The following SBNO2 variants were observed in gnomAD, a reference collection of about 807,000 sequenced individuals.
SBNO2 encodes protein strawberry notch homolog 2.
A neutral mutation model predicts 146.3 loss-of-function variants in SBNO2; 89 were observed. That is an observed-to-expected ratio of 0.61 (90% CI 0.51 to 0.73). SBNO2 has a LOEUF of 0.73. Among genes scored for constraint, SBNO2 ranks in the 30% least tolerant of loss-of-function variants. The pLI is 0.00. For missense variants in SBNO2, 2,092 were observed against 2,003.7 expected, an observed-to-expected ratio of 1.04 and a Z score of -0.84; for synonymous variants, 1,147 against 892.6, an observed-to-expected ratio of 1.29 and a Z score of -5.08.
intron 1 of SBNO2, among the ~76,000 whole-genome samples, chr19:1,171,499 A>G (rs2080477180): frequency 6.6e-6 from 1 of 152,100 alleles, no homozygotes; most frequent in Non-Finnish European, 1.5e-5. Flanking sequence ...ACAGCTGTGG[A>G]TTACATGATA....
chr19:1,164,725 A>AGAACAG (rs2080391297), intron 1 of SBNO2, among the ~76,000 whole-genome samples: 1 of 2,004 alleles, frequency 5.0e-4, no homozygotes, highest in African/African-American at 1.9e-3. Context: ...AGGAACAGGA[A>AGAACAG]GAGGAGGAGG....
At chr19:1,114,850 G>A (rs2079812502) in intron 17 of SBNO2, among the ~76,000 whole-genome samples, 2 of 152,008 alleles carry the variant, frequency 1.3e-5, no homozygotes, top group Admixed American at 6.6e-5. Context: ...GGCCAGGATG[G>A]TGTCGATCTC....
rs766045603 is a variant in SBNO2 at position 1,147,436 on chromosome 19, G to GA, written c.168-17_168-16insT. The GA allele has an allele frequency of 1.5e-6, 2 of 1,301,190 alleles. No homozygotes were observed. The highest frequency in any genetic ancestry group is 1.4e-5 in the South Asian group (1 of 71,794). 80.6% of individuals were successfully genotyped at this position (1,301,190 alleles called of 1,614,324 possible). ...CATGAACGGGCTGGAGGGAGATGGG[G>GA]GGGGGGGAGGTGAGATGGGGTGCTC... On this transcript the variant is annotated splice_polypyrimidine_tract_variant and intron_variant, in intron 3 of 31. Coordinates refer to ENST00000361757, the MANE Select transcript of SBNO2 (RefSeq NM_014963.3).
intron 1 of SBNO2, among the ~76,000 whole-genome samples, chr19:1,170,816 C>T (rs190315457): frequency 2.0e-5 from 3 of 152,200 alleles, no homozygotes; most frequent in East Asian, 1.9e-4. Flanking sequence ...ACAAAGTACA[C>T]GTTTGCATGA....
Position 1,122,487 on chromosome 19 carries a change from G to C in SBNO2, c.986C>G (p.Ala329Gly). Residue 329 changes from alanine to glycine, a missense_variant, in exon 10 of 32, where the codon GCG becomes GGG. Ala to Gly is a moderately conservative substitution (Grantham distance 60). Transcript: ENST00000361757. The part of the protein sequence containing the change: ...DLRDIEATGI[A>G]VHALSKIKYG... ...CCCTACCTTGCTGAGCGCGTGCACC[G>C]CGATGCCCGTGGCTTCGATGTCCCG... 1.3e-6 allele frequency: 2 copies of C among 1,573,744 alleles called. No individual in the cohort carries two copies. The highest frequency in any genetic ancestry group is 1.7e-6 in the Non-Finnish European group (2 of 1,161,754).
At chr19:1,141,633 C>T (rs1054361642) in intron 4 of SBNO2, among the ~76,000 whole-genome samples, 1 of 151,832 alleles carries the variant, frequency 6.6e-6, no homozygotes, top group African/African-American at 2.4e-5. Context: ...CACGGACAAA[C>T]ACAGTGGGGC....
Position 1,111,557 on chromosome 19 carries a change from T to C in SBNO2, c.2758A>G (p.Lys920Glu), listed in dbSNP as rs1462804241. 1 of 1,597,900 alleles carries C rather than the reference T, an allele frequency of 6.3e-7. No individual in the cohort carries two copies. The highest frequency in any genetic ancestry group is 2.3e-5 in the East Asian group (1 of 44,252). Reference protein sequence around the residue: ...LTTILSQTENKVPVPQGYPGG... With the variant: ...LTTILSQTENEVPVPQGYPGG... Reference sequence around the variant, plus strand: ...GGGTATCCCTGGGGCACAGGCACTTTGTTCTCAGTCTGGCTCAGGATGGTG... The same window carrying C: ...GGGTATCCCTGGGGCACAGGCACTTCGTTCTCAGTCTGGCTCAGGATGGTG... Residue 920 changes from lysine (K) to glutamate (E), a missense_variant, in exon 24 of 32, where the codon AAA becomes GAA. Transcript: ENST00000361757.
chr19:1,135,755 C>T (rs1198835073), intron 4 of SBNO2, among the ~76,000 whole-genome samples: 9 of 152,166 alleles, frequency 5.9e-5, no homozygotes, highest in Admixed American at 5.9e-4. Context: ...GGGAAACAGG[C>T]TACGGGGATG....
In SBNO2 at chr19:1,158,824, C is replaced by T. The variant is rs1316653812; in HGVS notation, c.-126-4422G>A. Among the ~76,000 whole-genome samples the T allele has an allele frequency of 6.6e-6, 1 of 152,156 alleles. No homozygotes were observed. The highest frequency in any genetic ancestry group is 1.5e-5 in the Non-Finnish European group (1 of 68,014). On this transcript the variant is annotated intron_variant, in intron 1 of 31. Coordinates refer to ENST00000361757, the MANE Select transcript of SBNO2 (RefSeq NM_014963.3). This position sits in a 1 kb window ranked among gnomAD's most constrained non-coding sequence, Gnocchi z 9.9. ...CCCGCACAGAGCCACGGCCATAAGA[C>T]AGAGCGGACTTGCGGCCTCCGGTGA...
At position 1,136,802 on chromosome 19, in the gene SBNO2, C is replaced by T. The variant is rs974972861; in HGVS notation, c.280-9037G>A. On this transcript the variant is annotated intron_variant, in intron 4 of 31. Coordinates refer to ENST00000361757, the MANE Select transcript of SBNO2 (RefSeq NM_014963.3). The surrounding 1 kb of genome is among the most constrained non-coding windows in gnomAD (Gnocchi z 4.2). ...CTGAAAGCAGCCAGAGTTTGCAAAG[C>T]GCTTTTCTGAGCCGTGAGCTCATCC... is the stretch of plus-strand genomic sequence containing the variant. 6.6e-6 allele frequency among the ~76,000 whole-genome samples: 1 copy of T among 152,150 alleles called. No homozygotes were observed. The highest frequency in any genetic ancestry group is 1.5e-5 in the Non-Finnish European group (1 of 68,024).
At chr19:1,154,003 G>T (rs1229027084) in intron 2 of SBNO2, among the ~76,000 whole-genome samples, 181 bp downstream of exon 2, 1 of 152,212 alleles carries the variant, frequency 6.6e-6, no homozygotes, top group Non-Finnish European at 1.5e-5. Context: ...ACATCCCCAT[G>T]GGGACCCTTC....
intron 1 of SBNO2, among the ~76,000 whole-genome samples, chr19:1,163,218 C>A (rs1273713320): frequency 1.3e-5 from 2 of 152,218 alleles, no homozygotes; most frequent in African/African-American, 4.8e-5. Flanking sequence ...AGGGGGTGGT[C>A]TGTGTCCCTG....
In SBNO2 at chr19:1,120,003, G is replaced by C. The variant is rs1227409202; in HGVS notation, c.1170C>G (p.His390Gln). 7 of 1,551,484 alleles carry C rather than the reference G, an allele frequency of 4.5e-6. No individual in the cohort carries two copies. Among genetic ancestry groups the C allele is most frequent in the Non-Finnish European group, 6.1e-6 (7 of 1,147,176 alleles). The stretch of plus-strand genomic sequence containing the variant: ...TGGTGGAGCCGGCATTCTTGGCTTT[G>C]TGACACTCGTCGAACACGATCTGAG... Reference protein sequence around the residue: ...FEGVIVFDECHKAKNAGSTKM... With the variant: ...FEGVIVFDECQKAKNAGSTKM... Residue 390 changes from histidine to glutamine, a missense_variant, in exon 12 of 32, where the codon CAC becomes CAG. Coordinates refer to ENST00000361757, the MANE Select transcript of SBNO2 (RefSeq NM_014963.3).
At position 1,122,147 on chromosome 19, in the gene SBNO2, C is replaced by G. The variant is rs192343149; in HGVS notation, c.1141G>C (p.Glu381Gln). The G allele has an allele frequency of 3.3e-3, 4,772 of 1,454,780 alleles. 17 individuals carry two copies. Among genetic ancestry groups the G allele is most frequent in the Non-Finnish European group, 4.1e-3 (4,491 of 1,098,114 alleles). 90.1% of individuals were successfully genotyped at this position (1,454,780 alleles called of 1,614,324 possible). ...TGCCCCCAGCAGGATACGACGCCCT[C>G]GAAGGCCTCCCCACACCAGTCCAGG... The part of the protein sequence containing the change: ...QILDWCGEAF[E>Q]GVIVFDECHK... Residue 381 changes from glutamate (E) to glutamine (Q), a missense_variant, in exon 11 of 32, where the codon GAG becomes CAG. Transcript: ENST00000361757.
intron 4 of SBNO2, among the ~76,000 whole-genome samples, chr19:1,128,688 C>T (rs913283458): frequency 8.0e-5 from 12 of 150,816 alleles, no homozygotes; most frequent in Admixed American, 3.9e-4. Context: ...CCACCGTGTC[C>T]GGCCACATGT....
intron 1 of SBNO2, among the ~76,000 whole-genome samples, chr19:1,161,923 G>GGGGGGGGT (rs2080350731): frequency 1.0e-5 from 1 of 99,336 alleles, no homozygotes; most frequent in Non-Finnish European, 2.1e-5. Context: ...GGGGGGGGGG[G>GGGGGGGGT]GGTTGGGCCA....
At chr19:1,165,735 TCCAGACCCCAGATC>T (rs2080409774) in intron 1 of SBNO2, among the ~76,000 whole-genome samples, 1 of 4,154 alleles carries the variant, frequency 2.4e-4, no homozygotes, top group African/African-American at 7.1e-4. Flanking sequence ...GATCTCAGAC[TCCAGACCCCAGATC>T]TCAGACCCCA....
At position 1,110,904 on chromosome 19, in the gene SBNO2, G is replaced by A. The variant is rs770087031; in HGVS notation, c.2885-16C>T. 1.2e-6 allele frequency: 2 copies of A among 1,612,758 alleles called. No individual in the cohort carries two copies. Among genetic ancestry groups the A allele is most frequent in the East Asian group, 2.2e-5 (1 of 44,842 alleles). ...ATGGAACAGTCTGGTAGGGGAGGGAGCCAAGCCTCAGGCTGCGCTGGGAAT... is the reference window on the plus strand; with the variant it reads ...ATGGAACAGTCTGGTAGGGGAGGGAACCAAGCCTCAGGCTGCGCTGGGAAT... On this transcript the variant is annotated splice_polypyrimidine_tract_variant and intron_variant, in intron 25 of 31. Transcript: ENST00000361757. The surrounding 1 kb of genome is among the most constrained non-coding windows in gnomAD (Gnocchi z 4.9).
At position 1,112,616 on chromosome 19, in the gene SBNO2, C is replaced by A. The variant is rs2079778868; in HGVS notation, c.2380-79G>T. 2 of 1,482,268 alleles carry A rather than the reference C, an allele frequency of 1.3e-6. No individual in the cohort carries two copies. The highest frequency in any genetic ancestry group is 1.4e-5 in the African/African-American group (1 of 71,642). 91.8% of individuals were successfully genotyped at this position (1,482,268 alleles called of 1,614,324 possible). A position where few individuals can be genotyped will look rare whatever the true frequency, so the allele number is the denominator to read the frequency against. The stretch of plus-strand genomic sequence containing the variant: ...TGCCGCCACCTCCTCACCCACTAGG[C>A]CCCCGCTCCAGGTCACCAGGACGTC... On this transcript the variant is annotated intron_variant, in intron 20 of 31. Coordinates refer to ENST00000361757, the MANE Select transcript of SBNO2 (RefSeq NM_014963.3). This position sits in a 1 kb window ranked among gnomAD's most constrained non-coding sequence, Gnocchi z 5.9.
Sources: allele counts gnomAD v4.1 joint callset (sites outside exome capture counted in the v4.1 genomes callset), GRCh38; gene constraint gnomAD v4.1.1; non-coding constraint Gnocchi (gnomAD v3.1); transcripts MANE v1.5; gene names NCBI Gene and HGNC (gene_info 2026-07-23, HGNC 2026-07-21).